Variants in SCHIP1 observed in about 807,000 individuals in gnomAD.
The protein encoded by SCHIP1 is schwannomin interacting protein 1.
In SCHIP1, 8 loss-of-function variants were observed where a neutral mutation model predicts 29.7. The observed-to-expected ratio is 0.27, with a 90% CI of 0.16 to 0.49. The LOEUF (loss-of-function observed/expected upper bound fraction) is 0.49. Among genes scored for constraint, SCHIP1 ranks in the 20% least tolerant of loss-of-function variants. The pLI, the probability that SCHIP1 is intolerant of heterozygous loss-of-function variation, is 0.99. For synonymous variants in SCHIP1, 76 were observed against 94.9 expected (o/e 0.80, Z 1.16); for missense variants, 193 against 294.6 (o/e 0.66, Z 2.52).
At chr3:159,339,267 A>G in the SCHIP1 span, among the ~76,000 whole-genome samples, 1 of 152,026 alleles carries the variant, frequency 6.6e-6, no homozygotes, top group African/African-American at 2.4e-5. Flanking sequence ...AAAAAAAAAA[A>G]AAAAACCTTG....
the SCHIP1 span, among the ~76,000 whole-genome samples, chr3:159,425,852 A>G: frequency 3.3e-5 from 5 of 152,240 alleles, no homozygotes; most frequent in African/African-American, 1.2e-4. Flanking sequence ...CTCTCGGACC[A>G]CAGTGCAATC....
the SCHIP1 span, among the ~76,000 whole-genome samples, chr3:159,645,253 C>T: frequency 1.3e-5 from 2 of 152,092 alleles, no homozygotes; most frequent in African/African-American, 4.8e-5. Context: ...AAGAACACCT[C>T]CTCCCCCAGG....
At chr3:159,421,614 A>C in the SCHIP1 span, among the ~76,000 whole-genome samples, 1 of 152,360 alleles carries the variant, frequency 6.6e-6, no homozygotes, top group East Asian at 1.9e-4. Context: ...CACTTGACAA[A>C]TAGCCTGGAT....
the SCHIP1 span, among the ~76,000 whole-genome samples, chr3:159,351,192 A>G: frequency 6.6e-6 from 1 of 152,118 alleles, no homozygotes; most frequent in African/African-American, 2.4e-5. Context: ...GGATATACAA[A>G]TTTGTGATGA....
intron 1 of SCHIP1, among the ~76,000 whole-genome samples, chr3:159,857,711 C>A (rs1346588343): frequency 6.6e-6 from 1 of 152,140 alleles, no homozygotes; most frequent in Non-Finnish European, 1.5e-5. Flanking sequence ...TCACTACCTT[C>A]CCCACCCCTT....
At chr3:159,448,713 T>TG in the SCHIP1 span, among the ~76,000 whole-genome samples, 43 of 152,302 alleles carry the variant, frequency 2.8e-4, 1 homozygote, top group African/African-American at 1.0e-3. Context: ...ATTTTGTAGA[T>TG]TGTGTCATCC....
the SCHIP1 span, among the ~76,000 whole-genome samples, chr3:159,820,419 T>C: frequency 6.6e-6 from 1 of 152,166 alleles, no homozygotes; most frequent in Non-Finnish European, 1.5e-5. Flanking sequence ...TGAGATGAAA[T>C]GATTAAAATT....
the SCHIP1 span, among the ~76,000 whole-genome samples, chr3:159,528,545 G>A: frequency 6.6e-6 from 1 of 152,152 alleles, no homozygotes; most frequent in Non-Finnish European, 1.5e-5. Flanking sequence ...GCTTAATTGT[G>A]TCGCTTCCTG....
the SCHIP1 span, chr3:159,273,878 G>T: frequency 3.1e-6 from 5 of 1,613,304 alleles, no homozygotes; most frequent in East Asian, 1.1e-4. Flanking sequence ...CAAGCACTCT[G>T]ACAGTGTAAG....
At chr3:159,587,273 C>T in the SCHIP1 span, among the ~76,000 whole-genome samples, 1 of 151,992 alleles carries the variant, frequency 6.6e-6, no homozygotes, top group African/African-American at 2.4e-5. Flanking sequence ...TCTTGAAATA[C>T]AATTTTCTTT....
At chr3:159,644,765 T>C in the SCHIP1 span, among the ~76,000 whole-genome samples, 1 of 152,178 alleles carries the variant, frequency 6.6e-6, no homozygotes, top group African/African-American at 2.4e-5. Context: ...TTTCAAGTAC[T>C]GTGCTTATCT....
chr3:159,599,305 T>TA, the SCHIP1 span, among the ~76,000 whole-genome samples: 5 of 152,206 alleles, frequency 3.3e-5, no homozygotes, highest in Non-Finnish European at 5.9e-5. Flanking sequence ...GTGGTTTGGT[T>TA]ACATGAATAA....
At chr3:159,828,681 C>CT in the SCHIP1 span, among the ~76,000 whole-genome samples, 1 of 151,926 alleles carries the variant, frequency 6.6e-6, no homozygotes, top group Non-Finnish European at 1.5e-5. Context: ...CCCCAGTACT[C>CT]TATTAACCTG....
chr3:159,493,757 A>G, the SCHIP1 span, among the ~76,000 whole-genome samples: 2 of 152,178 alleles, frequency 1.3e-5, no homozygotes, highest in African/African-American at 4.8e-5. Context: ...CGGACCTAAT[A>G]GACATCCACA....
At chr3:159,476,017 G>A in the SCHIP1 span, among the ~76,000 whole-genome samples, 8 of 152,268 alleles carry the variant, frequency 5.3e-5, no homozygotes, top group Non-Finnish European at 8.8e-5. Context: ...TCTGTACCTC[G>A]AAGCTGCCAC....
the SCHIP1 span, among the ~76,000 whole-genome samples, chr3:159,448,263 A>C: frequency 3.9e-5 from 6 of 152,078 alleles, no homozygotes; most frequent in Admixed American, 3.9e-4. Context: ...CATGAGGTCA[A>C]AAATCGAGAC....
chr3:159,716,683 C>A, the SCHIP1 span, among the ~76,000 whole-genome samples: 342 of 152,186 alleles, frequency 2.2e-3, no homozygotes, highest in African/African-American at 7.7e-3. Flanking sequence ...CAACAAGAAG[C>A]GCTAACTATC....
the SCHIP1 span, among the ~76,000 whole-genome samples, chr3:159,348,806 A>G: frequency 3.3e-5 from 5 of 152,172 alleles, no homozygotes; most frequent in Admixed American, 6.6e-5. Flanking sequence ...GAGCTATGCA[A>G]TTGCAAGGAA....
the SCHIP1 span, among the ~76,000 whole-genome samples, chr3:159,606,416 G>A: frequency 3.3e-5 from 5 of 152,128 alleles, no homozygotes; most frequent in Admixed American, 6.5e-5. Context: ...ACCTTTGTCA[G>A]GGTTATCTCC....
Sources: allele counts gnomAD v4.1 joint callset (sites outside exome capture counted in the v4.1 genomes callset), GRCh38; gene constraint gnomAD v4.1.1; transcripts MANE v1.5; gene names NCBI Gene and HGNC (gene_info 2026-07-23, HGNC 2026-07-21).